Variants in SSBP3 observed in about 807,000 individuals in gnomAD.
The protein encoded by SSBP3 is single stranded DNA binding protein 3, also known as single-stranded DNA-binding protein 3.
Under a neutral mutation model 69.6 loss-of-function variants are expected in SSBP3, and 5 were observed. The observed-to-expected ratio is 0.07, with a 90% confidence interval of 0.04 to 0.15. SSBP3 has a LOEUF of 0.15. Ranked by LOEUF, SSBP3 falls within the 10% of genes least tolerant of loss-of-function variation. The pLI is 1.00. For synonymous variants in SSBP3, 196 were observed against 193.4 expected (o/e 1.01, Z -0.11); for missense variants, 312 against 534.0 (o/e 0.58, Z 4.10).
chr1:54,246,984 T>C (rs777212196), intron 9 of SSBP3, among the ~76,000 whole-genome samples: 1 of 152,202 alleles, frequency 6.6e-6, no homozygotes, highest in South Asian at 2.1e-4. Context: ...CAACCAGGTA[T>C]CCCTCTGCCA....
intron 14 of SSBP3, among the ~76,000 whole-genome samples, chr1:54,235,448 A>ATTTTTTTTTTTTTTTTTTT (rs71580002): frequency 2.0e-4 from 14 of 69,920 alleles, no homozygotes; most frequent in African/African-American, 2.6e-4. Context: ...TGCCCGGCTG[A>ATTTTTTTTTTTTTTTTTTT]TTTTTTTTTT....
intron 4 of SSBP3, among the ~76,000 whole-genome samples, chr1:54,351,716 A>G (rs1301389110): frequency 6.6e-6 from 1 of 152,214 alleles, no homozygotes; most frequent in African/African-American, 2.4e-5. Context: ...ATGAACCTCT[A>G]GCAGATTACT....
intron 4 of SSBP3, among the ~76,000 whole-genome samples, chr1:54,351,425 G>C (rs542691987): frequency 6.6e-6 from 1 of 152,150 alleles, no homozygotes; most frequent in Non-Finnish European, 1.5e-5. Context: ...CTGAAGAGCC[G>C]GGGGTGCCAG....
chr1:54,375,316 C>T (rs994966004), intron 4 of SSBP3, among the ~76,000 whole-genome samples: 1 of 151,934 alleles, frequency 6.6e-6, no homozygotes, highest in Non-Finnish European at 1.5e-5. Flanking sequence ...TTTATTCATT[C>T]CTACTTGGGG....
At chr1:54,381,101 G>A (rs114515647) in intron 4 of SSBP3, among the ~76,000 whole-genome samples, 7 of 151,856 alleles carry the variant, frequency 4.6e-5, no homozygotes, top group African/African-American at 1.7e-4. Context: ...AAAAGAGAGA[G>A]AGGCTGGAAG....
chr1:54,323,013 AG>A (rs1646241344), intron 4 of SSBP3, among the ~76,000 whole-genome samples: 1 of 152,210 alleles, frequency 6.6e-6, no homozygotes, highest in Non-Finnish European at 1.5e-5. Context: ...ATGATTTTCA[AG>A]GGAACTCAGG....
At chr1:54,242,489 G>A (rs975472464) in intron 10 of SSBP3, among the ~76,000 whole-genome samples, 5 of 152,196 alleles carry the variant, frequency 3.3e-5, no homozygotes, top group East Asian at 1.9e-4. Context: ...TAGGAAGGGA[G>A]TCCACATTCT....
chr1:54,300,428 T>C (rs4927086), intron 4 of SSBP3, among the ~76,000 whole-genome samples: 37,587 of 152,044 alleles, frequency 0.25, 5,414 homozygotes, highest in Middle Eastern at 0.38. Flanking sequence ...TCGGGGAGGA[T>C]GTGCAGAACG....
Position 54,282,603 on chromosome 1 carries a change from G to T in SSBP3, c.277-1076C>A, listed in dbSNP as rs151265778. Among the ~76,000 whole-genome samples, 62 of 152,268 alleles carry T rather than the reference G, an allele frequency of 4.1e-4. No homozygotes were observed. The East Asian group carries it at 0.012, about 30-fold the overall frequency. On this transcript the variant is annotated intron_variant, in intron 4 of 17. Transcript: ENST00000610401. The stretch of plus-strand genomic sequence containing the variant: ...CTGTGTGCAACCTATTCAGGTGGTC[G>T]GCGCGTCTGTGCCTGGCCCCGTGCT...
At chr1:54,362,469 T>G (rs2100639401) in intron 4 of SSBP3, among the ~76,000 whole-genome samples, 1 of 152,280 alleles carries the variant, frequency 6.6e-6, no homozygotes, top group East Asian at 1.9e-4. Context: ...AGTGAGCAAA[T>G]GGGATCAGAG....
intron 5 of SSBP3, among the ~76,000 whole-genome samples, chr1:54,273,525 C>T (rs912237053): frequency 2.0e-5 from 3 of 152,202 alleles, no homozygotes; most frequent in Admixed American, 6.5e-5. Flanking sequence ...GGCTGGCTGC[C>T]GGGCAGGGAA....
chr1:54,232,870 C>T (rs563212245), intron 14 of SSBP3, among the ~76,000 whole-genome samples: 5 of 152,316 alleles, frequency 3.3e-5, no homozygotes, highest in South Asian at 2.1e-4. Flanking sequence ...GACGGAGTCT[C>T]GTTCACTCAG....
intron 5 of SSBP3, among the ~76,000 whole-genome samples, chr1:54,267,266 C>A (rs939175537): frequency 1.3e-5 from 2 of 152,198 alleles, no homozygotes; most frequent in Admixed American, 6.5e-5. Flanking sequence ...ATCCATACAA[C>A]AGGGCACTCT....
At chr1:54,273,745 A>G (rs1029302041) in intron 5 of SSBP3, among the ~76,000 whole-genome samples, 2 of 152,224 alleles carry the variant, frequency 1.3e-5, no homozygotes, top group African/African-American at 4.8e-5. Flanking sequence ...CCCCGAGGAC[A>G]CACAGGAATT....
At chr1:54,304,976 G>C (rs1359899057) in intron 4 of SSBP3, among the ~76,000 whole-genome samples, 5 of 152,112 alleles carry the variant, frequency 3.3e-5, no homozygotes, top group African/African-American at 1.2e-4. Flanking sequence ...ACCCGGAGCG[G>C]CTCTTAGTGG....
intron 14 of SSBP3, among the ~76,000 whole-genome samples, chr1:54,235,147 C>T (rs1644464703): frequency 1.3e-5 from 2 of 152,172 alleles, no homozygotes; most frequent in Non-Finnish European, 2.9e-5. Context: ...TAGGAATTCA[C>T]GTCCATCTCT....
At chr1:54,294,770 C>T (rs781324316) in intron 4 of SSBP3, among the ~76,000 whole-genome samples, 5 of 152,136 alleles carry the variant, frequency 3.3e-5, no homozygotes, top group Non-Finnish European at 7.4e-5. Flanking sequence ...TCTCTGAAGA[C>T]GAGTGTCTGC....
At chr1:54,406,958 G>GCCCGGCCCCCAC (rs1553151910), upstream of SSBP3, among the ~76,000 whole-genome samples, 2 of 151,082 alleles carry the variant, frequency 1.3e-5, no homozygotes, top group Non-Finnish European at 3.0e-5. Context: ...CCGGCCCCCA[G>GCCCGGCCCCCAC]CCCGCCCCGC....
At position 54,332,931 on chromosome 1, in the gene SSBP3, C is replaced by T. The variant is rs567462716; in HGVS notation, c.277-51404G>A. 3.9e-5 allele frequency among the ~76,000 whole-genome samples: 6 copies of T among 152,224 alleles called. No individual in the cohort carries two copies. The East Asian group carries it at 5.8e-4, about 15-fold the overall frequency. On this transcript the variant is annotated intron_variant, in intron 4 of 17. Coordinates refer to ENST00000610401, the Ensembl canonical transcript of SSBP3. ...GCAAACATGCACGCACACACACGCG[C>T]GAGCACACACACACGCGTGCGCCTC...
Sources: allele counts gnomAD v4.1 joint callset (sites outside exome capture counted in the v4.1 genomes callset), GRCh38; gene constraint gnomAD v4.1.1; transcripts MANE v1.5; gene names NCBI Gene and HGNC (gene_info 2026-07-23, HGNC 2026-07-21).